The following ULK4 variants were observed in gnomAD, a reference collection of about 807,000 sequenced individuals.
ULK4 encodes the protein inactive serine/threonine-protein kinase ULK4.
A neutral mutation model predicts 160.6 loss-of-function variants in ULK4; 133 were observed. That is an observed-to-expected ratio of 0.83 (90% confidence interval 0.72 to 0.96). The LOEUF is 0.96. Among genes scored for constraint, ULK4 ranks in the 40% least tolerant of loss-of-function variants. The probability of loss-of-function intolerance (pLI) is 0.00; values close to 1 mark genes in which losing one functional copy is unlikely to be tolerated. For synonymous variants in ULK4, 534 were observed against 539.8 expected (o/e 0.99, Z 0.15); for missense variants, 1,580 against 1,499.5 (o/e 1.05, Z -0.89).
At chr3:41,514,802 A>C (rs1024549566) in intron 32 of ULK4, among the ~76,000 whole-genome samples, 6 of 151,998 alleles carry the variant, frequency 3.9e-5, no homozygotes, top group African/African-American at 1.4e-4. Context: ...GAAGGATGAG[A>C]AACTGGTTAA....
At chr3:41,888,840 GCCTGC>G (rs1697818587) in intron 16 of ULK4, among the ~76,000 whole-genome samples, 1 of 152,142 alleles carries the variant, frequency 6.6e-6, no homozygotes, top group Non-Finnish European at 1.5e-5. Flanking sequence ...GAGGCCTCCA[GCCTGC>G]CTACCTGATC....
chr3:41,817,697 T>A (rs2041017201), intron 19 of ULK4, among the ~76,000 whole-genome samples: 1 of 152,088 alleles, frequency 6.6e-6, no homozygotes, highest in South Asian at 2.1e-4. Flanking sequence ...GGTGACAGGA[T>A]CAGTCATAAC....
chr3:41,593,404 GCA>G (rs34968650), intron 31 of ULK4, among the ~76,000 whole-genome samples: 4 of 150,900 alleles, frequency 2.7e-5, no homozygotes, highest in Non-Finnish European at 3.0e-5. Flanking sequence ...ACACATGCAT[GCA>G]CACACACACA....
At position 41,907,865 on chromosome 3, in the gene ULK4, T is replaced by A; in HGVS notation, c.1162A>T (p.Lys388Ter). The change falls in exon 12 of 37, where the codon AAG becomes TAG. Residue 388 changes from lysine to a stop codon, truncating the protein, a stop_gained. Transcript: ENST00000301831. LOFTEE classifies it high-confidence loss of function. ...GEDMTHCSPQKTSPLTKITSG... is the reference protein window; with the variant it reads ...GEDMTHCSPQ ...CTCACCTTGGTCAGAGGAGAAGTCT[T>A]CTGTGGTGAACAGTGAGTCATATCC... The A allele has an allele frequency of 6.3e-7, 1 of 1,596,246 alleles. No homozygotes were observed. Among genetic ancestry groups the A allele is most frequent in the South Asian group, 1.1e-5 (1 of 87,800 alleles).
At chr3:41,308,486 G>A (rs1487568) in intron 35 of ULK4, among the ~76,000 whole-genome samples, 12,142 of 151,700 alleles carry the variant, frequency 0.08, 1,220 homozygotes, top group African/African-American at 0.23. Context: ...ATCAGAAAAG[G>A]AAAGATCAGG....
intron 35 of ULK4, among the ~76,000 whole-genome samples, chr3:41,266,611 G>C (rs1330950862): frequency 6.6e-6 from 1 of 152,118 alleles, no homozygotes; most frequent in South Asian, 2.1e-4. Context: ...TACAAGGTTA[G>C]GTCTCTTGGA....
intron 34 of ULK4, 70 bp downstream of exon 34, chr3:41,455,427 G>T (rs878922061): frequency 2.2e-6 from 3 of 1,386,056 alleles, no homozygotes; most frequent in Admixed American, 3.8e-5. Flanking sequence ...AAACTCAAGA[G>T]ATCAGGAAAT....
rs530744521 is a variant in ULK4, at chr3:41,556,401, G to C, written c.3226+9624C>G. Among the ~76,000 whole-genome samples the C allele has an allele frequency of 1.2e-3, 179 of 150,762 alleles. 1 individual carries two copies. Among genetic ancestry groups the C allele is most frequent in the Non-Finnish European group, 2.1e-3 (144 of 67,800 alleles). ...AAGTTTCATTATTACTACAGAAATA[G>C]AGAAAATCATCACAGAGCTATCACT... On this transcript the variant is annotated intron_variant, in intron 32 of 36. Transcript: ENST00000301831.
intron 30 of ULK4, among the ~76,000 whole-genome samples, chr3:41,651,940 C>A (rs1011564297): frequency 6.6e-6 from 1 of 152,132 alleles, no homozygotes; most frequent in Non-Finnish European, 1.5e-5. Flanking sequence ...GAGCTCTCTG[C>A]TAACCCCTCC....
chr3:41,422,910 G>T (rs891448822), intron 34 of ULK4, among the ~76,000 whole-genome samples: 2 of 151,980 alleles, frequency 1.3e-5, no homozygotes, highest in Non-Finnish European at 2.9e-5. Flanking sequence ...GAAAATAACT[G>T]GAAACAATCT....
At chr3:41,884,635 A>G (rs1242834147) in intron 16 of ULK4, among the ~76,000 whole-genome samples, 1 of 152,202 alleles carries the variant, frequency 6.6e-6, no homozygotes, top group African/African-American at 2.4e-5. Context: ...TGATGTCTGC[A>G]TGTTGTCTAG....
intron 27 of ULK4, among the ~76,000 whole-genome samples, chr3:41,697,171 T>C (rs1051244207): frequency 6.6e-5 from 10 of 152,150 alleles, no homozygotes; most frequent in Non-Finnish European, 1.2e-4. Flanking sequence ...CAATAAAAGA[T>C]AGAGATGCTT....
At chr3:41,837,836 C>A (rs994072127) in intron 17 of ULK4, among the ~76,000 whole-genome samples, 1 of 152,190 alleles carries the variant, frequency 6.6e-6, no homozygotes, top group African/African-American at 2.4e-5. Context: ...GCTGGGATTA[C>A]AGGTACGAGC....
At chr3:41,765,865 C>T (rs1053594816) in intron 21 of ULK4, among the ~76,000 whole-genome samples, 2 of 152,046 alleles carry the variant, frequency 1.3e-5, no homozygotes, top group African/African-American at 4.8e-5. Context: ...AGTAAAACAA[C>T]AAAATGATAT....
chr3:41,507,409 C>A (rs968367004), intron 32 of ULK4, among the ~76,000 whole-genome samples: 2 of 151,342 alleles, frequency 1.3e-5, no homozygotes, highest in Non-Finnish European at 2.9e-5. Flanking sequence ...AACTAAGTAC[C>A]CACAAGAGAA....
intron 22 of ULK4, among the ~76,000 whole-genome samples, chr3:41,741,951 A>C (rs1435325908): frequency 6.6e-6 from 1 of 151,848 alleles, no homozygotes; most frequent in African/African-American, 2.4e-5. Context: ...CCTCCAACCC[A>C]GAACTGTCCC....
chr3:41,382,236 A>C (rs913178581), intron 35 of ULK4, among the ~76,000 whole-genome samples: 1 of 152,190 alleles, frequency 6.6e-6, no homozygotes, highest in African/African-American at 2.4e-5. Flanking sequence ...CCATTAGAGC[A>C]GGGTTTTCTG....
intron 30 of ULK4, among the ~76,000 whole-genome samples, chr3:41,624,473 G>A (rs900953777): frequency 9.9e-5 from 15 of 152,026 alleles, no homozygotes; most frequent in African/African-American, 3.6e-4. Flanking sequence ...TCCTTCTTAA[G>A]AACTGCAGCT....
At chr3:41,941,761 A>AAAAAAAAC in intron 2 of ULK4, among the ~76,000 whole-genome samples, 1 of 136,998 alleles carries the variant, frequency 7.3e-6, no homozygotes, top group Non-Finnish European at 1.5e-5. Flanking sequence ...GTCTCAAAAA[A>AAAAAAAAC]AAAAAAAAAA....
Sources: gnomAD v4.1 joint callset for allele counts (sites outside exome capture counted in the v4.1 genomes callset) on GRCh38, gnomAD v4.1.1 for gene constraint, MANE v1.5 for transcripts, NCBI Gene and HGNC (gene_info 2026-07-23, HGNC 2026-07-21) for gene names.